ZMAT4: variants seen among roughly 807,000 people sequenced by gnomAD.
The protein encoded by ZMAT4 is zinc finger matrin-type protein 4.
ZMAT4 carries 17 observed loss-of-function variants against 28.7 expected under a neutral mutation model. That is an observed-to-expected ratio of 0.59 (90% CI 0.41 to 0.89). The LOEUF (loss-of-function observed/expected upper bound fraction) is 0.89, where lower values mean the gene tolerates loss of function less well. ZMAT4 is among the 40% of genes least tolerant of loss of function. The probability of loss-of-function intolerance (pLI) is 0.00; values close to 1 mark genes in which losing one functional copy is unlikely to be tolerated. For missense variants in ZMAT4, 240 were observed against 283.8 expected (o/e 0.85, Z 1.11); for synonymous variants, 117 against 109.2 (o/e 1.07, Z -0.44).
chr8:40,641,801 G>T (rs1309863948), intron 5 of ZMAT4, among the ~76,000 whole-genome samples: 2 of 152,094 alleles, frequency 1.3e-5, no homozygotes, highest in African/African-American at 4.8e-5. Flanking sequence ...TAGGCACTCT[G>T]CCTATTAGAT....
chr8:40,725,961 A>T (rs1469796498), intron 3 of ZMAT4, among the ~76,000 whole-genome samples: 1 of 152,224 alleles, frequency 6.6e-6, no homozygotes. Flanking sequence ...AGGATGCTCC[A>T]ATTTCCATTC....
At chr8:40,763,229 A>G (rs1813009323) in intron 3 of ZMAT4, among the ~76,000 whole-genome samples, 1 of 152,180 alleles carries the variant, frequency 6.6e-6, no homozygotes, top group South Asian at 2.1e-4. Flanking sequence ...CATGTCCCCC[A>G]GCGCTTTGCA....
intron 3 of ZMAT4, among the ~76,000 whole-genome samples, chr8:40,705,275 T>C (rs906076088): frequency 6.6e-6 from 1 of 152,172 alleles, no homozygotes; most frequent in Non-Finnish European, 1.5e-5. Context: ...AGGACAACTA[T>C]GTAAGTTAGA....
intron 6 of ZMAT4, among the ~76,000 whole-genome samples, chr8:40,570,725 A>G: frequency 8.7e-6 from 1 of 114,494 alleles, no homozygotes. Flanking sequence ...CAACAACGAC[A>G]GAAAACAAAC....
intron 5 of ZMAT4, among the ~76,000 whole-genome samples, chr8:40,606,131 C>T (rs1004426571): frequency 6.6e-6 from 1 of 152,106 alleles, no homozygotes; most frequent in African/African-American, 2.4e-5. Context: ...ACTCATTCCA[C>T]CATTCTGTAT....
rs1817826693 is a variant in ZMAT4 at position 40,870,695 on chromosome 8, C to T, written c.-5+26988G>A. Among the ~76,000 whole-genome samples, 3 of 152,160 alleles carry T rather than the reference C, an allele frequency of 2.0e-5. No homozygotes were observed. In the South Asian group the frequency reaches 6.2e-4, roughly 32 times the overall value. Reference sequence around the variant, plus strand: ...ATATTTCTGGCACCAACATGTCCTTCAAACACCAGGCACATGATAGAGGCT... The same window carrying T: ...ATATTTCTGGCACCAACATGTCCTTTAAACACCAGGCACATGATAGAGGCT... On this transcript the variant is annotated intron_variant, in intron 1 of 6. Transcript: ENST00000297737.
intron 6 of ZMAT4, among the ~76,000 whole-genome samples, chr8:40,534,278 C>T (rs1802779061): frequency 6.6e-6 from 1 of 152,082 alleles, no homozygotes; most frequent in Non-Finnish European, 1.5e-5. Flanking sequence ...GTTATTTTTG[C>T]TGGAAAGGCT....
At chr8:40,784,534 G>A (rs979115262) in intron 2 of ZMAT4, among the ~76,000 whole-genome samples, 9 of 152,088 alleles carry the variant, frequency 5.9e-5, no homozygotes, top group Admixed American at 1.3e-4. Context: ...TATCACTACT[G>A]CTGCCGAATA....
At chr8:40,837,615 G>C (rs928968850) in intron 1 of ZMAT4, among the ~76,000 whole-genome samples, 1 of 152,182 alleles carries the variant, frequency 6.6e-6, no homozygotes, top group East Asian at 1.9e-4. Context: ...AGAGTCCAGA[G>C]ACCAAACCTA....
intron 1 of ZMAT4, among the ~76,000 whole-genome samples, chr8:40,865,811 A>G (rs1327480002): frequency 1.3e-5 from 2 of 152,168 alleles, no homozygotes; most frequent in Non-Finnish European, 1.5e-5. Context: ...TTTGGGCCCT[A>G]AGGGACATTC....
At chr8:40,749,113 C>A (rs1463657527) in intron 3 of ZMAT4, among the ~76,000 whole-genome samples, 1 of 152,124 alleles carries the variant, frequency 6.6e-6, no homozygotes, top group Non-Finnish European at 1.5e-5. Context: ...GCCTCCCCAG[C>A]CATATAGAAC....
chr8:40,891,498 G>T (rs1818686183), intron 1 of ZMAT4, among the ~76,000 whole-genome samples: 1 of 151,982 alleles, frequency 6.6e-6, no homozygotes, highest in Non-Finnish European at 1.5e-5. Flanking sequence ...CCAAGCTTGA[G>T]CCTGTCTCAC....
intron 4 of ZMAT4, among the ~76,000 whole-genome samples, chr8:40,685,057 T>C (rs1248430665): frequency 6.6e-6 from 1 of 152,186 alleles, no homozygotes; most frequent in South Asian, 2.1e-4. Flanking sequence ...TAGTTATGCA[T>C]ATATTTTGCA....
chr8:40,591,275 G>A (rs1277831474), intron 5 of ZMAT4, among the ~76,000 whole-genome samples: 1 of 152,186 alleles, frequency 6.6e-6, no homozygotes, highest in East Asian at 1.9e-4. Flanking sequence ...AGTTAGTACA[G>A]TGACACTTGG....
chr8:40,775,568 T>A (rs1452652928), intron 2 of ZMAT4, among the ~76,000 whole-genome samples: 1 of 152,080 alleles, frequency 6.6e-6, no homozygotes, highest in Non-Finnish European at 1.5e-5. Flanking sequence ...ACAGAGGCAG[T>A]GTGTTGAGGA....
At chr8:40,881,774 G>A (rs1429069655) in intron 1 of ZMAT4, among the ~76,000 whole-genome samples, 3 of 152,112 alleles carry the variant, frequency 2.0e-5, no homozygotes, top group Non-Finnish European at 2.9e-5. Context: ...GGTGCAGCGC[G>A]AAGTTGATTG....
intron 1 of ZMAT4, among the ~76,000 whole-genome samples, chr8:40,865,507 C>T (rs139415948): frequency 1.7e-3 from 253 of 152,272 alleles, no homozygotes; most frequent in Middle Eastern, 6.8e-3. Context: ...TGAGCCCAGG[C>T]CTCTCTGCTC....
intron 3 of ZMAT4, among the ~76,000 whole-genome samples, chr8:40,697,912 T>C (rs1386425099): frequency 1.3e-5 from 2 of 152,160 alleles, no homozygotes; most frequent in African/African-American, 4.8e-5. Flanking sequence ...GAGCCTGGCA[T>C]GGTGAAGGAA....
intron 2 of ZMAT4, among the ~76,000 whole-genome samples, chr8:40,777,138 T>C (rs1385607566): frequency 6.6e-6 from 1 of 152,016 alleles, no homozygotes; most frequent in Non-Finnish European, 1.5e-5. Flanking sequence ...AAATCAGTGA[T>C]GAAAACAATG....
Sources: allele counts gnomAD v4.1 joint callset (sites outside exome capture counted in the v4.1 genomes callset), GRCh38; gene constraint gnomAD v4.1.1; transcripts MANE v1.5; gene names NCBI Gene and HGNC (gene_info 2026-07-23, HGNC 2026-07-21).